EIPR1: variants seen among roughly 807,000 people sequenced by gnomAD.
EIPR1 encodes EARP complex and GARP complex interacting protein 1, also known as EARP and GARP complex-interacting protein 1.
Under a neutral mutation model 48.1 loss-of-function variants are expected in EIPR1, and 25 were observed. The observed-to-expected ratio is 0.52, with a 90% CI of 0.38 to 0.73. The LOEUF (loss-of-function observed/expected upper bound fraction) is 0.73, where lower values mean the gene tolerates loss of function less well. EIPR1 is among the 30% of genes least tolerant of loss of function. The probability of loss-of-function intolerance (pLI) is 0.00; values close to 1 mark genes in which losing one functional copy is unlikely to be tolerated. For missense variants in EIPR1, 415 were observed against 506.2 expected (o/e 0.82, Z 1.73); for synonymous variants, 204 against 201.9 (o/e 1.01, Z -0.09).
At chr2:3,233,811 G>C (rs754323004) in intron 4 of EIPR1, among the ~76,000 whole-genome samples, 1 of 152,208 alleles carries the variant, frequency 6.6e-6, no homozygotes, top group Non-Finnish European at 1.5e-5. Context: ...CTAAGTGGGT[G>C]AAGAATTACA....
At chr2:3,292,736 G>A (rs1213156674) in intron 3 of EIPR1, among the ~76,000 whole-genome samples, 3 of 152,042 alleles carry the variant, frequency 2.0e-5, no homozygotes, top group East Asian at 1.9e-4. Context: ...TCTACATTAC[G>A]GCAACTTCTG....
intron 3 of EIPR1, among the ~76,000 whole-genome samples, chr2:3,262,618 C>A (rs1434628259): frequency 6.6e-6 from 1 of 152,186 alleles, no homozygotes; most frequent in Non-Finnish European, 1.5e-5. Context: ...GCCTAGTAGA[C>A]CTGCTGGTGT....
rs114953605 is a variant in EIPR1, at chr2:3,361,129, T to G, written c.43-6496A>C. Among the ~76,000 whole-genome samples the G allele has an allele frequency of 4.3e-3, 657 of 152,324 alleles. 5 individuals are homozygous for G. Among genetic ancestry groups the G allele is most frequent in the African/African-American group, 0.015 (628 of 41,562 alleles). ...AAACCCTCCAGGAGAACTGAGGTGATGATGCTCTATTTCTGAGAGCCCAGA... is the reference window on the plus strand; with the variant it reads ...AAACCCTCCAGGAGAACTGAGGTGAGGATGCTCTATTTCTGAGAGCCCAGA... On this transcript the variant is annotated intron_variant, in intron 1 of 8. Transcript: ENST00000382125.
At chr2:3,193,786 C>G (rs1664694751) in intron 7 of EIPR1, among the ~76,000 whole-genome samples, 1 of 152,160 alleles carries the variant, frequency 6.6e-6, no homozygotes, top group South Asian at 2.1e-4. Flanking sequence ...CAAGAGAAAA[C>G]AGAATTTAAT....
chr2:3,272,110 T>G (rs773678601), intron 3 of EIPR1, among the ~76,000 whole-genome samples: 13 of 152,222 alleles, frequency 8.5e-5, no homozygotes, highest in Non-Finnish European at 2.9e-5. Flanking sequence ...TTCTGCAGCT[T>G]TCTCACTCCT....
chr2:3,347,099 G>A (rs753996802), intron 2 of EIPR1, among the ~76,000 whole-genome samples: 11 of 152,068 alleles, frequency 7.2e-5, no homozygotes, highest in East Asian at 1.9e-4. Context: ...CTCCCACTTC[G>A]CCTTCCACCG....
intron 3 of EIPR1, among the ~76,000 whole-genome samples, chr2:3,290,614 T>C (rs189154229): frequency 6.6e-6 from 1 of 152,146 alleles, no homozygotes; most frequent in East Asian, 1.9e-4. Flanking sequence ...CATTTGGCCA[T>C]GAATTTAGGG....
chr2:3,231,524 AT>A (rs1277645765), intron 4 of EIPR1, among the ~76,000 whole-genome samples: 1 of 151,624 alleles, frequency 6.6e-6, no homozygotes, highest in Admixed American at 6.5e-5. Flanking sequence ...TCTATATCTA[AT>A]TTATTTAGAG....
rs1389035752 is a variant in EIPR1 at position 3,246,819 on chromosome 2, GGGAGGAAGGGAGGGAA to G, written c.416+10464_416+10479del. Among the ~76,000 whole-genome samples the G allele has an allele frequency of 2.5e-3, 137 of 54,106 alleles. 1 individual carries two copies. Among genetic ancestry groups the G allele is most frequent in the Non-Finnish European group, 3.3e-3 (95 of 28,712 alleles). The allele number at this position is 54,106 out of a possible 152,430, so 35.5% of individuals were successfully genotyped here. ...AGGGAGGGAGGCAGGGAGGGAGGGA[GGGAGGAAGGGAGGGAA>G]GGAGGAAGGGAGGGAAGGAGGAAGG... On this transcript the variant is annotated intron_variant, in intron 4 of 8. Transcript: ENST00000382125.
chr2:3,281,098 T>A (rs1052672986), intron 3 of EIPR1, among the ~76,000 whole-genome samples: 2 of 152,170 alleles, frequency 1.3e-5, no homozygotes, highest in East Asian at 3.9e-4. Flanking sequence ...CACCCTGTCC[T>A]TGCCTTCATG....
At chr2:3,206,358 C>T (rs1293834077) in intron 5 of EIPR1, among the ~76,000 whole-genome samples, 2 of 152,172 alleles carry the variant, frequency 1.3e-5, no homozygotes, top group African/African-American at 4.8e-5. Context: ...GGACACAGAG[C>T]CCCCAGTGGG....
intron 1 of EIPR1, among the ~76,000 whole-genome samples, chr2:3,375,448 C>T (rs1659844628): frequency 6.6e-6 from 1 of 151,834 alleles, no homozygotes; most frequent in African/African-American, 2.4e-5. Context: ...AGATACAATA[C>T]TGAAGATAAA....
chr2:3,309,062 G>C (rs954726689), intron 3 of EIPR1, among the ~76,000 whole-genome samples: 1 of 152,162 alleles, frequency 6.6e-6, no homozygotes, highest in African/African-American at 2.4e-5. Context: ...AACAACGAAT[G>C]GGCAAAAACC....
At position 3,260,253 on chromosome 2, in the gene EIPR1, G is replaced by T. The variant is rs1166442029; in HGVS notation, c.260-2798C>A. ...CACGCCTGTAATCCCAGCACTTTGG[G>T]AGGCCAAGGCAGGCGGATCATGAGG... On this transcript the variant is annotated intron_variant, in intron 3 of 8. Coordinates refer to ENST00000382125, the MANE Select transcript of EIPR1 (RefSeq NM_003310.5). 2.6e-5 allele frequency among the ~76,000 whole-genome samples: 4 copies of T among 152,338 alleles called. No individual in the cohort carries two copies. In the East Asian group the frequency reaches 7.7e-4, roughly 29 times the overall value.
At chr2:3,239,819 C>T (rs1274823908) in intron 4 of EIPR1, among the ~76,000 whole-genome samples, 1 of 152,266 alleles carries the variant, frequency 6.6e-6, no homozygotes, top group Non-Finnish European at 1.5e-5. Flanking sequence ...TATTTTCTTT[C>T]CATCTCCTTC....
intron 3 of EIPR1, among the ~76,000 whole-genome samples, chr2:3,313,959 G>A (rs950719073): frequency 9.2e-5 from 14 of 152,162 alleles, no homozygotes; most frequent in African/African-American, 1.4e-4. Context: ...CCCGAGCTGC[G>A]GGCCTGGGTC....
intron 3 of EIPR1, among the ~76,000 whole-genome samples, chr2:3,282,048 C>T (rs900019629): frequency 6.6e-6 from 1 of 152,150 alleles, no homozygotes; most frequent in Non-Finnish European, 1.5e-5. Context: ...TATTCAATGC[C>T]ACAAAAAAAG....
intron 4 of EIPR1, among the ~76,000 whole-genome samples, chr2:3,249,053 G>A (rs1012412912): frequency 1.3e-5 from 2 of 152,220 alleles, no homozygotes; most frequent in Non-Finnish European, 2.9e-5. Flanking sequence ...ACTGAGGAGG[G>A]GAGCATTGCT....
intron 3 of EIPR1, among the ~76,000 whole-genome samples, chr2:3,289,740 C>T (rs985363884): frequency 6.6e-6 from 1 of 152,244 alleles, no homozygotes; most frequent in African/African-American, 2.4e-5. Context: ...CGAGTAGACA[C>T]ATGATACGCA....
Sources: allele counts gnomAD v4.1 joint callset (sites outside exome capture counted in the v4.1 genomes callset), GRCh38; gene constraint gnomAD v4.1.1; transcripts MANE v1.5; gene names NCBI Gene and HGNC (gene_info 2026-07-23, HGNC 2026-07-21).